SLF1: variants seen among roughly 807,000 people sequenced by gnomAD.
The protein encoded by SLF1 is SMC5-SMC6 complex localization factor protein 1.
A neutral mutation model predicts 123.0 loss-of-function variants in SLF1; 105 were observed. The ratio of observed to expected loss-of-function variants is 0.85; its 90% CI spans 0.73 to 1.00. SLF1 has a LOEUF of 1.00. Ranked by LOEUF, SLF1 falls within the 50% of genes least tolerant of loss-of-function variation. The pLI, the probability that SLF1 is intolerant of heterozygous loss-of-function variation, is 0.00. For synonymous variants in SLF1, 434 were observed against 406.6 expected, an observed-to-expected ratio of 1.07 and a Z score of -0.81; for missense variants, 1,239 against 1,223.0, an observed-to-expected ratio of 1.01 and a Z score of -0.20.
intron 1 of SLF1, among the ~76,000 whole-genome samples, chr5:94,622,190 T>C (rs1379038142): frequency 6.6e-6 from 1 of 152,222 alleles, no homozygotes; most frequent in Non-Finnish European, 1.5e-5. Flanking sequence ...TTAACAGTTA[T>C]TTGTTTACTT....
Position 94,684,684 on chromosome 5 carries a change from C to G in SLF1, c.1976-1889C>G, listed in dbSNP as rs1054263813. On this transcript the variant is annotated intron_variant, in intron 15 of 20. Transcript: ENST00000265140. ...CTGCACTCCAGCCTGGGCAATAGAG[C>G]GAGACTCTGTCTCAAAAAAAAAAAA... is the stretch of plus-strand genomic sequence containing the variant. Among the ~76,000 whole-genome samples the G allele has an allele frequency of 3.5e-5, 4 of 114,710 alleles. No individual in the cohort carries two copies. The Admixed American group carries it at 3.9e-4, about 11-fold the overall frequency. The allele number at this position is 114,710 out of a possible 152,430, so 75.3% of individuals were successfully genotyped here.
At chr5:94,643,195 GAAATAA>G in intron 4 of SLF1, 72 bp from the exon 5 acceptor site, 2 of 1,193,004 alleles carry the variant, frequency 1.7e-6, no homozygotes, top group Non-Finnish European at 1.2e-6. Context: ...GTACTCCTAA[GAAATAA>G]TTAATTTAGA....
chr5:94,665,306 G>T (rs1303384461), intron 11 of SLF1, among the ~76,000 whole-genome samples: 1 of 152,266 alleles, frequency 6.6e-6, no homozygotes. Context: ...AAAAATTCAT[G>T]TGTAAGTGGA....
chr5:94,627,267 A>C (rs1026221381), intron 1 of SLF1, among the ~76,000 whole-genome samples: 1 of 152,124 alleles, frequency 6.6e-6, no homozygotes, highest in African/African-American at 2.4e-5. Context: ...AATAACCCAC[A>C]GTTATGGTGA....
At chr5:94,658,493 C>A (rs1748699458) in intron 9 of SLF1, among the ~76,000 whole-genome samples, 1 of 151,682 alleles carries the variant, frequency 6.6e-6, no homozygotes, top group Non-Finnish European at 1.5e-5. Flanking sequence ...TCATCTTATT[C>A]TTTCCTGGCT....
In SLF1 at chr5:94,665,857, A is replaced by C; in HGVS notation, c.1369-4A>C. ...TTATTTGTTTGTTTATTTTTAAATA[A>C]TAGGATAACATAGATACATTTTCTG... On this transcript the variant is annotated splice_polypyrimidine_tract_variant and splice_region_variant and intron_variant, in intron 11 of 20. Transcript: ENST00000265140. 1 of 1,533,656 alleles carries C rather than the reference A, an allele frequency of 6.5e-7. No individual in the cohort carries two copies. Among genetic ancestry groups the C allele is most frequent in the Non-Finnish European group, 8.8e-7 (1 of 1,133,050 alleles).
In SLF1 at chr5:94,654,766, C is replaced by T. The variant is rs559093728; in HGVS notation, c.1155+14C>T. The stretch of plus-strand genomic sequence containing the variant: ...TATAGAGCTCAGGTAAAACTTGGCA[C>T]ATGAAAAATTTTGTATAATATCGTG... On this transcript the variant is annotated intron_variant, in intron 9 of 20. Transcript: ENST00000265140. The T allele has an allele frequency of 5.4e-6, 8 of 1,480,018 alleles. No individual in the cohort carries two copies. In the African/African-American group the frequency reaches 1.0e-4, roughly 18 times the overall value. The allele number at this position is 1,480,018 out of a possible 1,614,324, so 91.7% of individuals were successfully genotyped here. A position where few individuals can be genotyped will look rare whatever the true frequency, so the allele number is the denominator to read the frequency against.
At chr5:94,626,863 G>A (rs994683525) in intron 1 of SLF1, among the ~76,000 whole-genome samples, 3 of 152,168 alleles carry the variant, frequency 2.0e-5, no homozygotes, top group African/African-American at 7.2e-5. Flanking sequence ...GTCTCAAGGA[G>A]CTTCTCCAAC....
At chr5:94,653,511 G>T (rs1747992844) in intron 8 of SLF1, 90 bp downstream of exon 8, 1 of 1,173,966 alleles carries the variant, frequency 8.5e-7, no homozygotes, top group Non-Finnish European at 1.1e-6. Context: ...CATGTTTTAA[G>T]AAAAAATCTT....
chr5:94,623,788 T>C (rs939825961), intron 1 of SLF1, among the ~76,000 whole-genome samples: 3 of 152,112 alleles, frequency 2.0e-5, no homozygotes, highest in Non-Finnish European at 4.4e-5. Flanking sequence ...CATTAACATA[T>C]CAGGTTTATT....
rs1473219254 is a variant in SLF1 at position 94,665,900 on chromosome 5, T to C, written c.1408T>C (p.Leu470=). 3 of 1,549,350 alleles carry C rather than the reference T, an allele frequency of 1.9e-6. No individual in the cohort carries two copies. The highest frequency in any genetic ancestry group is 2.0e-5 in the Admixed American group (1 of 51,008). The stretch of plus-strand genomic sequence containing the variant: ...ATTTTCTGGTCGATACTTTCATATA[T>C]TGTCAGCTCTTCTTCACCTGCATCC... The part of the protein sequence containing the change: ...DTFSGRYFHI[L]SALLHLHPPW... Residue 470 remains leucine (L), a synonymous_variant, in exon 12 of 21, where the codon TTG becomes CTG. Transcript: ENST00000265140.
intron 4 of SLF1, among the ~76,000 whole-genome samples, chr5:94,641,082 A>G (rs1746386974): frequency 6.6e-6 from 1 of 152,182 alleles, no homozygotes; most frequent in South Asian, 2.1e-4. Flanking sequence ...TTTATATCCA[A>G]AAATTAGGCC....
In SLF1 at chr5:94,685,881, C is replaced by G. The variant is rs182080239; in HGVS notation, c.1976-692C>G. Among the ~76,000 whole-genome samples the G allele has an allele frequency of 9.2e-5, 14 of 151,892 alleles. No individual in the cohort carries two copies. In the East Asian group the frequency reaches 2.7e-3, roughly 29 times the overall value. On this transcript the variant is annotated intron_variant, in intron 15 of 20. Transcript: ENST00000265140. Reference sequence around the variant, plus strand: ...ACCATCCCCCATAGTAGAGTGGGTGCAAACTTCTGAGGAAGTCGTTATACA... The same window carrying G: ...ACCATCCCCCATAGTAGAGTGGGTGGAAACTTCTGAGGAAGTCGTTATACA...
intron 13 of SLF1, among the ~76,000 whole-genome samples, chr5:94,670,573 A>G (rs1352850638): frequency 6.6e-6 from 1 of 151,864 alleles, no homozygotes; most frequent in Non-Finnish European, 1.5e-5. Context: ...GTAAAAAACT[A>G]CACCAATTTT....
intron 4 of SLF1, among the ~76,000 whole-genome samples, chr5:94,642,389 A>G (rs547847089): frequency 2.5e-4 from 38 of 152,338 alleles, no homozygotes; most frequent in Admixed American, 4.6e-4. Context: ...CTAAACTGTG[A>G]TGCTAGCTAT....
At position 94,653,356 on chromosome 5, in the gene SLF1, A is replaced by G; in HGVS notation, c.967A>G (p.Lys323Glu). 6.5e-7 allele frequency: 1 copy of G among 1,531,786 alleles called. No individual in the cohort carries two copies. The highest frequency in any genetic ancestry group is 8.8e-7 in the Non-Finnish European group (1 of 1,141,730). 94.9% of individuals were successfully genotyped at this position (1,531,786 alleles called of 1,614,324 possible). A position where few individuals can be genotyped will look rare whatever the true frequency, so the allele number is the denominator to read the frequency against. ...KRKKGKESNCKKGVEHEKIKS... is the reference protein window; with the variant it reads ...KRKKGKESNCEKGVEHEKIKS... ...CAAGAAAGGAAAAGAAAGCAATTGCAAGAAAGGCGTTGAACATGAAAAAAT... is the reference window on the plus strand; with the variant it reads ...CAAGAAAGGAAAAGAAAGCAATTGCGAGAAAGGCGTTGAACATGAAAAAAT... Residue 323 changes from lysine to glutamate, a missense_variant, in exon 8 of 21, where the codon AAG becomes GAG. Lys to Glu is a moderately conservative substitution (Grantham distance 56). Transcript: ENST00000265140.
intron 4 of SLF1, among the ~76,000 whole-genome samples, chr5:94,635,337 C>CTTTTTTT (rs34524874): frequency 9.1e-5 from 4 of 43,904 alleles, no homozygotes; most frequent in Admixed American, 2.9e-4. Flanking sequence ...ACATACTCGG[C>CTTTTTTT]TTTTTTTTTT....
At chr5:94,686,787 T>G (rs1263179497) in intron 16 of SLF1, 69 bp downstream of exon 16, 2 of 902,396 alleles carry the variant, frequency 2.2e-6, no homozygotes, top group Non-Finnish European at 2.9e-6. Flanking sequence ...TTTTATTTAT[T>G]TAGTTATTTA....
intron 4 of SLF1, among the ~76,000 whole-genome samples, chr5:94,635,920 T>C (rs1745716818): frequency 6.6e-6 from 1 of 152,230 alleles, no homozygotes; most frequent in Non-Finnish European, 1.5e-5. Flanking sequence ...TTTTATGTTA[T>C]TAGTGGCCTT....
Sources: allele counts gnomAD v4.1 joint callset (sites outside exome capture counted in the v4.1 genomes callset), GRCh38; gene constraint gnomAD v4.1.1; transcripts MANE v1.5; gene names NCBI Gene and HGNC (gene_info 2026-07-23, HGNC 2026-07-21).